KLRG2: variants seen among roughly 807,000 people sequenced by gnomAD.
The protein encoded by KLRG2 is killer cell lectin-like receptor subfamily G member 2.
A neutral mutation model predicts 35.4 loss-of-function variants in KLRG2; 39 were observed. The ratio of observed to expected loss-of-function variants is 1.10; its 90% CI spans 0.85 to 1.44. KLRG2 has a LOEUF of 1.44. Ranked by LOEUF, KLRG2 falls within the 40% of genes most tolerant of loss-of-function variation. The pLI is 0.00. For synonymous variants in KLRG2, 283 were observed against 265.8 expected, an observed-to-expected ratio of 1.06 and a Z score of -0.63; for missense variants, 632 against 570.9, an observed-to-expected ratio of 1.11 and a Z score of -1.09.
At chr7:139,458,496 A>G (rs1390486879) in intron 3 of KLRG2, among the ~76,000 whole-genome samples, 2 of 152,158 alleles carry the variant, frequency 1.3e-5, no homozygotes, top group East Asian at 3.8e-4. Flanking sequence ...TAAAACCATC[A>G]TCACCATCCA....
the KLRG2 span, among the ~76,000 whole-genome samples, chr7:139,442,170 G>C: frequency 6.6e-6 from 1 of 152,180 alleles, no homozygotes; most frequent in East Asian, 1.9e-4. Flanking sequence ...CCCAGGCAGG[G>C]AGCTGGAGTG....
At chr7:139,482,272 C>T (rs1445941578) in intron 1 of KLRG2, among the ~76,000 whole-genome samples, 1 of 152,248 alleles carries the variant, frequency 6.6e-6, no homozygotes, top group Non-Finnish European at 1.5e-5. Flanking sequence ...CCACCTGATC[C>T]TGAATGACTT....
the KLRG2 span, among the ~76,000 whole-genome samples, chr7:139,438,677 A>ATTTTTTTTTTTTTTTTTTTT: frequency 7.0e-6 from 1 of 142,814 alleles, no homozygotes; most frequent in South Asian, 2.3e-4. Flanking sequence ...CATTTTGGCA[A>ATTTTTTTTTTTTTTTTTTTT]TTTTTTTTTT....
the KLRG2 span, among the ~76,000 whole-genome samples, chr7:139,427,720 G>A: frequency 6.6e-6 from 1 of 152,162 alleles, no homozygotes; most frequent in Admixed American, 6.5e-5. Context: ...TAAGAGCAAG[G>A]CAACTTTTCC....
chr7:139,427,255 T>C, the KLRG2 span, among the ~76,000 whole-genome samples: 1 of 152,018 alleles, frequency 6.6e-6, no homozygotes, highest in Admixed American at 6.6e-5. Context: ...CCTTGGGGGC[T>C]CTAGGGTCAG....
At chr7:139,436,887 G>C in the KLRG2 span, among the ~76,000 whole-genome samples, 7 of 152,228 alleles carry the variant, frequency 4.6e-5, no homozygotes, top group African/African-American at 1.7e-4. Context: ...CAGGTGGCCA[G>C]TCCCAGCTAG....
intron 3 of KLRG2, among the ~76,000 whole-genome samples, chr7:139,461,645 C>T (rs1796569204): frequency 6.6e-6 from 1 of 152,144 alleles, no homozygotes; most frequent in South Asian, 2.1e-4. Flanking sequence ...AAAAGCTCCC[C>T]CACTGAGCAC....
At chr7:139,468,543 C>T (rs942189562) in intron 3 of KLRG2, among the ~76,000 whole-genome samples, 4 of 152,164 alleles carry the variant, frequency 2.6e-5, no homozygotes, top group African/African-American at 9.7e-5. Flanking sequence ...ACCCTTATCT[C>T]CCTTCGCTGA....
At chr7:139,474,498 C>G (rs1341421170) in intron 3 of KLRG2, among the ~76,000 whole-genome samples, 2 of 152,120 alleles carry the variant, frequency 1.3e-5, no homozygotes, top group Non-Finnish European at 2.9e-5. Flanking sequence ...GTGGCTAACA[C>G]TTGTAATCCC....
chr7:139,481,935 AAAAG>A (rs1224514720), intron 1 of KLRG2, among the ~76,000 whole-genome samples: 28 of 152,150 alleles, frequency 1.8e-4, no homozygotes, highest in African/African-American at 5.8e-4. Context: ...TCTTAAAAAA[AAAAG>A]AAAGAAAAAA....
the KLRG2 span, among the ~76,000 whole-genome samples, chr7:139,432,555 C>G: frequency 1.3e-5 from 2 of 149,600 alleles, no homozygotes; most frequent in Non-Finnish European, 3.0e-5. Context: ...CCCCCCCCCC[C>G]CAATATTTTT....
At position 139,483,285 on chromosome 7, in the gene KLRG2, C is replaced by T; in HGVS notation, c.358G>A (p.Ala120Thr). The change falls in exon 1 of 5, where the codon GCG becomes ACG. Residue 120 changes from alanine (A) to threonine (T), a missense_variant. Transcript: ENST00000340940. Reference sequence around the variant, plus strand: ...ACATCTACCTGCAGCTCCATGGGCGCCCAGGCGCTGGGCGCAGGCTCAGCC... The same window carrying T: ...ACATCTACCTGCAGCTCCATGGGCGTCCAGGCGCTGGGCGCAGGCTCAGCC... ...PGAEPAPSAW[A>T]PMELQVDVRV... 1 of 1,559,110 alleles carries T rather than the reference C, an allele frequency of 6.4e-7. No individual in the cohort carries two copies. The highest frequency in any genetic ancestry group is 8.6e-7 in the Non-Finnish European group (1 of 1,164,142).
At chr7:139,437,094 C>T in the KLRG2 span, among the ~76,000 whole-genome samples, 1 of 152,224 alleles carries the variant, frequency 6.6e-6, no homozygotes. Flanking sequence ...GCAGAACTGA[C>T]AGACCCAGCC....
chr7:139,475,142 C>G (rs1284595129), intron 3 of KLRG2, among the ~76,000 whole-genome samples: 4 of 152,286 alleles, frequency 2.6e-5, no homozygotes, highest in South Asian at 2.1e-4. Context: ...TTTAGTCATG[C>G]CTGTCCAACG....
At chr7:139,480,086 AAC>A (rs1272222128) in intron 2 of KLRG2, 58 bp downstream of exon 2, 5 of 1,154,914 alleles carry the variant, frequency 4.3e-6, no homozygotes, top group East Asian at 4.7e-5. Flanking sequence ...AAGGGCTGGA[AAC>A]ACAGCCCCAG....
At chr7:139,454,613 C>T (rs561799358) in intron 3 of KLRG2, among the ~76,000 whole-genome samples, 20 of 151,092 alleles carry the variant, frequency 1.3e-4, no homozygotes, top group Non-Finnish European at 2.2e-4. Context: ...GCCAGGAGTT[C>T]GAGACCGGCC....
intron 3 of KLRG2, 72 bp downstream of exon 3, chr7:139,479,555 C>G: frequency 6.9e-7 from 1 of 1,451,294 alleles, no homozygotes. Flanking sequence ...AATCATTAAG[C>G]TTCTTTCCAG....
the KLRG2 span, among the ~76,000 whole-genome samples, chr7:139,445,809 G>GTATATGTATAT: frequency 1.1e-5 from 1 of 89,612 alleles, no homozygotes; most frequent in African/African-American, 1.1e-4. Flanking sequence ...ATATATATAT[G>GTATATGTATAT]ACGGAGTTTT....
the KLRG2 span, among the ~76,000 whole-genome samples, chr7:139,431,736 A>T: frequency 6.6e-6 from 1 of 152,164 alleles, no homozygotes; most frequent in Non-Finnish European, 1.5e-5. Flanking sequence ...AGACTAGAAG[A>T]AGTAGAGGAA....
Sources: gnomAD v4.1 joint callset for allele counts (sites outside exome capture counted in the v4.1 genomes callset) on GRCh38, gnomAD v4.1.1 for gene constraint, MANE v1.5 for transcripts, NCBI Gene and HGNC (gene_info 2026-07-23, HGNC 2026-07-21) for gene names.